The following ENOX1 variants were observed in gnomAD, a reference collection of about 807,000 sequenced individuals.
The protein encoded by ENOX1 is candidate growth-related and time keeping constitutive hydroquinone (NADH) oxidase.
A neutral mutation model predicts 82.5 loss-of-function variants in ENOX1; 42 were observed. The observed-to-expected ratio is 0.51, with a 90% CI of 0.40 to 0.66. ENOX1 has a LOEUF of 0.66. Ranked by LOEUF, ENOX1 falls within the 30% of genes least tolerant of loss-of-function variation. ENOX1 has a pLI of 0.00. For synonymous variants in ENOX1, 271 were observed against 282.2 expected, an observed-to-expected ratio of 0.96 and a Z score of 0.40; for missense variants, 608 against 811.6, an observed-to-expected ratio of 0.75 and a Z score of 3.05.
intron 2 of ENOX1, among the ~76,000 whole-genome samples, chr13:43,514,901 C>T (rs200699068): frequency 6.6e-6 from 1 of 152,112 alleles, no homozygotes. Context: ...TGTAGCCCCC[C>T]CTTCCTAAAA....
chr13:43,254,609 C>T (rs552386492), intron 14 of ENOX1, among the ~76,000 whole-genome samples: 2 of 152,148 alleles, frequency 1.3e-5, no homozygotes, highest in South Asian at 4.2e-4. Flanking sequence ...TCCATGAGAA[C>T]AAAAATAAGA....
At chr13:43,586,909 A>C (rs74633151) in intron 2 of ENOX1, among the ~76,000 whole-genome samples, 86 of 3,734 alleles carry the variant, frequency 0.023, 1 homozygote, top group East Asian at 0.14. Context: ...CTAAAAATAC[A>C]AAAAAAAAAA....
intron 14 of ENOX1, among the ~76,000 whole-genome samples, chr13:43,237,637 A>T (rs537662405): frequency 8.5e-5 from 13 of 152,224 alleles, no homozygotes; most frequent in Non-Finnish European, 1.9e-4. Context: ...CGAAGAATTC[A>T]GAAGGTTTGA....
At chr13:43,554,512 CAGA>C (rs1280005124) in intron 2 of ENOX1, among the ~76,000 whole-genome samples, 3 of 152,092 alleles carry the variant, frequency 2.0e-5, no homozygotes, top group African/African-American at 7.2e-5. Flanking sequence ...AAGTGGTACC[CAGA>C]AGACTTGTGT....
intron 1 of ENOX1, among the ~76,000 whole-genome samples, chr13:43,705,309 T>TCC (rs2087188966): frequency 2.7e-5 from 1 of 37,248 alleles, no homozygotes; most frequent in Admixed American, 2.7e-4. Flanking sequence ...ACAACAACTC[T>TCC]CTCTCTCTCT....
intron 2 of ENOX1, among the ~76,000 whole-genome samples, chr13:43,604,696 G>A (rs1035836034): frequency 1.3e-5 from 2 of 152,130 alleles, no homozygotes; most frequent in Non-Finnish European, 2.9e-5. Flanking sequence ...GAATGATCAA[G>A]TTTATAAGAT....
At chr13:43,286,009 G>T (rs1279446016) in intron 12 of ENOX1, among the ~76,000 whole-genome samples, 1 of 152,106 alleles carries the variant, frequency 6.6e-6, no homozygotes, top group Non-Finnish European at 1.5e-5. Flanking sequence ...AAGCCCTGGA[G>T]CATGAAGACC....
At chr13:43,219,297 A>G (rs9525754) in intron 16 of ENOX1, among the ~76,000 whole-genome samples, 32,816 of 152,110 alleles carry the variant, frequency 0.22, 4,082 homozygotes, top group Non-Finnish European at 0.29. Context: ...GATGATTGCA[A>G]TACACGTGGT....
At chr13:43,607,152 C>T (rs888809635) in intron 2 of ENOX1, among the ~76,000 whole-genome samples, 12 of 152,002 alleles carry the variant, frequency 7.9e-5, no homozygotes, top group African/African-American at 2.7e-4. Context: ...GATGGATACC[C>T]CATTTACCCT....
chr13:43,462,476 T>A (rs561391557), intron 3 of ENOX1, among the ~76,000 whole-genome samples: 2 of 152,160 alleles, frequency 1.3e-5, no homozygotes, highest in Non-Finnish European at 2.9e-5. Flanking sequence ...ATATTACAAT[T>A]CAAATAAGCT....
chr13:43,688,759 G>A (rs1376699805), intron 1 of ENOX1, among the ~76,000 whole-genome samples: 2 of 127,076 alleles, frequency 1.6e-5, no homozygotes, highest in African/African-American at 3.6e-5. Context: ...GGGCACAGGA[G>A]AAGGAGCAGG....
At chr13:43,546,699 T>G (rs970863234) in intron 2 of ENOX1, 11 of 152,226 alleles carry the variant, frequency 7.2e-5, no homozygotes, top group Admixed American at 1.3e-4. Context: ...AACAGAATTT[T>G]GATGACAAAT....
At chr13:43,543,150 G>T (rs1268844636) in intron 2 of ENOX1, among the ~76,000 whole-genome samples, 1 of 152,082 alleles carries the variant, frequency 6.6e-6, no homozygotes, top group Non-Finnish European at 1.5e-5. Context: ...AATGGGGAAG[G>T]GTGTGAAGGA....
intron 2 of ENOX1, among the ~76,000 whole-genome samples, chr13:43,577,027 G>C (rs1399723400): frequency 6.6e-6 from 1 of 152,216 alleles, no homozygotes. Flanking sequence ...AGGCACTGAA[G>C]ATACAAGTAT....
intron 8 of ENOX1, among the ~76,000 whole-genome samples, chr13:43,346,119 T>C (rs1314839136): frequency 2.6e-5 from 4 of 152,248 alleles, no homozygotes; most frequent in Admixed American, 1.3e-4. Context: ...TGTAAATTTA[T>C]AGGGTGCTTT....
intron 1 of ENOX1, among the ~76,000 whole-genome samples, chr13:43,766,966 A>C (rs1228532880): frequency 1.3e-5 from 2 of 152,172 alleles, no homozygotes; most frequent in Non-Finnish European, 2.9e-5. Context: ...TCTCTTAAAA[A>C]AAAAAAAATT....
At chr13:43,347,118 G>A (rs994480982) in intron 8 of ENOX1, among the ~76,000 whole-genome samples, 9 of 151,352 alleles carry the variant, frequency 5.9e-5, no homozygotes, top group African/African-American at 1.5e-4. Context: ...TTACTATCAG[G>A]AAAAAAAACA....
At chr13:43,571,706 A>C (rs1200701785) in intron 2 of ENOX1, among the ~76,000 whole-genome samples, 1 of 152,094 alleles carries the variant, frequency 6.6e-6, no homozygotes, top group African/African-American at 2.4e-5. Flanking sequence ...ACAAACAAAC[A>C]AACAAACAAA....
rs563447923 is a variant in ENOX1 at position 43,446,164 on chromosome 13, C to T, written c.-74-33176G>A. Among the ~76,000 whole-genome samples the T allele has an allele frequency of 1.6e-3, 250 of 151,780 alleles. 1 individual carries two copies. The highest frequency in any genetic ancestry group is 5.6e-3 in the African/African-American group (230 of 41,396). On this transcript the variant is annotated intron_variant, in intron 3 of 16. Transcript: ENST00000690772. ...TTCCTTCTTGTGGGTTTGTCCTGTG[C>T]CTTGTTTTTTTTTTTTCATTAAGTG...
Sources: gnomAD v4.1 joint callset for allele counts (sites outside exome capture counted in the v4.1 genomes callset) on GRCh38, gnomAD v4.1.1 for gene constraint, MANE v1.5 for transcripts, NCBI Gene and HGNC (gene_info 2026-07-23, HGNC 2026-07-21) for gene names.